NUDT3: variants seen among roughly 807,000 people sequenced by gnomAD.
NUDT3 encodes the protein diphosphoinositol polyphosphate phosphohydrolase 1.
NUDT3 carries 9 observed loss-of-function variants against 23.6 expected under a neutral mutation model. The ratio of observed to expected loss-of-function variants is 0.38; its 90% CI spans 0.23 to 0.66. The LOEUF is 0.66. Among genes scored for constraint, NUDT3 ranks in the 30% least tolerant of loss-of-function variants. The pLI, the probability that NUDT3 is intolerant of heterozygous loss-of-function variation, is 0.52. For missense variants in NUDT3, 172 were observed against 218.5 expected, an observed-to-expected ratio of 0.79 and a Z score of 1.34; for synonymous variants, 86 against 82.6, an observed-to-expected ratio of 1.04 and a Z score of -0.22.
intron 2 of NUDT3, among the ~76,000 whole-genome samples, chr6:34,340,850 G>C (rs1764276469): frequency 6.6e-6 from 1 of 152,192 alleles, no homozygotes; most frequent in African/African-American, 2.4e-5. Context: ...GTATAAGATA[G>C]ATGCTACAAT....
At chr6:34,302,479 T>A (rs1027971090) in intron 2 of NUDT3, among the ~76,000 whole-genome samples, 2 of 152,216 alleles carry the variant, frequency 1.3e-5, no homozygotes, top group African/African-American at 4.8e-5. Context: ...ATGCCTGTAA[T>A]CCCAGCACTT....
At chr6:34,367,395 T>C (rs1173711032) in intron 1 of NUDT3, among the ~76,000 whole-genome samples, 3 of 151,592 alleles carry the variant, frequency 2.0e-5, no homozygotes, top group East Asian at 2.0e-4. Context: ...AGCAAGACAA[T>C]TGCTTGAACC....
At chr6:34,289,805 A>G (rs1045959284) in intron 4 of NUDT3, among the ~76,000 whole-genome samples, 1 of 152,218 alleles carries the variant, frequency 6.6e-6, no homozygotes, top group Non-Finnish European at 1.5e-5. Context: ...TATAAAAGTA[A>G]TAACTACCCA....
intron 1 of NUDT3, among the ~76,000 whole-genome samples, chr6:34,377,096 A>G (rs1764937135): frequency 6.6e-6 from 1 of 152,190 alleles, no homozygotes. Flanking sequence ...GCACTCCGGA[A>G]GCACAGCCTT....
At position 34,392,489 on chromosome 6, in the gene NUDT3, G is replaced by A. The variant is rs971928380; in HGVS notation, c.-127C>T. The A allele has an allele frequency of 2.0e-4, 114 of 575,648 alleles. No homozygotes were observed. In the African/African-American group the frequency reaches 2.1e-3, roughly 11 times the overall value. The allele number at this position is 575,648 out of a possible 1,614,324, so 35.7% of individuals were successfully genotyped here. A position where few individuals can be genotyped will look rare whatever the true frequency, so the allele number is the denominator to read the frequency against. On this transcript the variant is annotated 5_prime_UTR_variant, in exon 1 of 5. Transcript: ENST00000607016. ...GGAAGCAGGGAGGGGGAGCTTCTCC[G>A]CTACACGGCTCCGCCGCTGGCCCGC... is the stretch of plus-strand genomic sequence containing the variant.
chr6:34,331,591 C>A (rs1212371257), intron 2 of NUDT3, among the ~76,000 whole-genome samples: 1 of 152,136 alleles, frequency 6.6e-6, no homozygotes, highest in African/African-American at 2.4e-5. Flanking sequence ...GTGAGGAAGT[C>A]ACAGAGAACT....
chr6:34,391,533 G>C (rs561933250), intron 1 of NUDT3, among the ~76,000 whole-genome samples: 38 of 152,190 alleles, frequency 2.5e-4, no homozygotes, highest in Admixed American at 7.2e-4. Flanking sequence ...TTAATCCTAA[G>C]AGTCTTCCCA....
At chr6:34,346,395 C>CT (rs1350062037) in intron 1 of NUDT3, among the ~76,000 whole-genome samples, 2 of 152,274 alleles carry the variant, frequency 1.3e-5, no homozygotes, top group Admixed American at 1.3e-4. Context: ...CATTATAAAC[C>CT]TAAGCATTGC....
chr6:34,316,434 T>G (rs951206276), intron 2 of NUDT3, among the ~76,000 whole-genome samples: 4 of 152,168 alleles, frequency 2.6e-5, no homozygotes, highest in Non-Finnish European at 5.9e-5. Context: ...CTGCTTCATA[T>G]AGAAGAGATA....
At chr6:34,348,466 A>T (rs1231175400) in intron 1 of NUDT3, among the ~76,000 whole-genome samples, 3 of 151,732 alleles carry the variant, frequency 2.0e-5, no homozygotes. Flanking sequence ...TGAGTGACAG[A>T]GCAAGACCCT....
intron 2 of NUDT3, among the ~76,000 whole-genome samples, chr6:34,303,653 T>G (rs1006406439): frequency 1.3e-5 from 2 of 152,220 alleles, no homozygotes; most frequent in African/African-American, 4.8e-5. Flanking sequence ...GTTTTTATAA[T>G]GAATAGATGC....
chr6:34,391,464 A>T (rs917456321), intron 1 of NUDT3, among the ~76,000 whole-genome samples: 28 of 152,168 alleles, frequency 1.8e-4, no homozygotes, highest in African/African-American at 6.5e-4. Flanking sequence ...ATTTTTTTTT[A>T]AAGTACCCTA....
At chr6:34,355,737 T>C (rs537916677) in intron 1 of NUDT3, among the ~76,000 whole-genome samples, 2 of 151,622 alleles carry the variant, frequency 1.3e-5, no homozygotes, top group Non-Finnish European at 2.9e-5. Flanking sequence ...TTCAATTTCT[T>C]TAATAGACAT....
intron 2 of NUDT3, among the ~76,000 whole-genome samples, chr6:34,335,444 G>A (rs555637460): frequency 2.6e-5 from 4 of 151,888 alleles, no homozygotes; most frequent in African/African-American, 4.8e-5. Context: ...AATATTTTAC[G>A]TCTTAAATAT....
rs1763352003 is a variant in NUDT3, at chr6:34,287,570, G to A, written c.*1183C>T. 1 of 152,218 alleles carries A rather than the reference G, an allele frequency of 6.6e-6. No homozygotes were observed. The highest frequency in any genetic ancestry group is 1.5e-5 in the Non-Finnish European group (1 of 68,068). 9.4% of individuals were successfully genotyped at this position (152,218 alleles called of 1,614,324 possible). A position where few individuals can be genotyped will look rare whatever the true frequency, so the allele number is the denominator to read the frequency against. ...TCCATGGTGCAATCACAAGTGCCAT[G>A]CCAATACAAAGACAAGCAAGCAGGT... On this transcript the variant is annotated 3_prime_UTR_variant, in exon 5 of 5. Coordinates refer to ENST00000607016, the MANE Select transcript of NUDT3 (RefSeq NM_006703.4).
chr6:34,370,730 G>C (rs1764813320), intron 1 of NUDT3, among the ~76,000 whole-genome samples: 1 of 152,088 alleles, frequency 6.6e-6, no homozygotes, highest in South Asian at 2.1e-4. Flanking sequence ...TATTTTCTTT[G>C]GCTAAAACAT....
chr6:34,375,838 T>C (rs531113165), intron 1 of NUDT3, among the ~76,000 whole-genome samples: 4 of 152,184 alleles, frequency 2.6e-5, no homozygotes, highest in Admixed American at 6.5e-5. Flanking sequence ...CTACATCTCA[T>C]CTTCATTATA....
At chr6:34,348,112 C>T (rs1188993992) in intron 1 of NUDT3, among the ~76,000 whole-genome samples, 1 of 151,548 alleles carries the variant, frequency 6.6e-6, no homozygotes, top group Non-Finnish European at 1.5e-5. Flanking sequence ...CCCGTCTCTA[C>T]AAAACAAAAA....
intron 2 of NUDT3, among the ~76,000 whole-genome samples, chr6:34,302,162 G>A (rs1473524291): frequency 6.6e-6 from 1 of 151,438 alleles, no homozygotes; most frequent in African/African-American, 2.4e-5. Context: ...CTCCTGAGTA[G>A]CTGGGACTAC....
Sources: gnomAD v4.1 joint callset for allele counts (sites outside exome capture counted in the v4.1 genomes callset) on GRCh38, gnomAD v4.1.1 for gene constraint, MANE v1.5 for transcripts, NCBI Gene and HGNC (gene_info 2026-07-23, HGNC 2026-07-21) for gene names.